Variants in STK32B observed in about 807,000 individuals in gnomAD.
STK32B encodes serine/threonine-protein kinase 32B.
A neutral mutation model predicts 52.6 loss-of-function variants in STK32B; 43 were observed. The observed-to-expected ratio is 0.82, with a 90% CI of 0.64 to 1.05. The LOEUF (loss-of-function observed/expected upper bound fraction) is 1.05. Ranked by LOEUF, STK32B falls within the 50% of genes least tolerant of loss-of-function variation. STK32B has a pLI of 0.00. For synonymous variants in STK32B, 238 were observed against 204.3 expected, an observed-to-expected ratio of 1.17 and a Z score of -1.41; for missense variants, 621 against 534.6, an observed-to-expected ratio of 1.16 and a Z score of -1.59.
intron 1 of STK32B, among the ~76,000 whole-genome samples, chr4:5,066,948 T>C (rs1365165789): frequency 6.6e-6 from 1 of 152,254 alleles, no homozygotes; most frequent in Non-Finnish European, 1.5e-5. Flanking sequence ...TTGAACACAG[T>C]TGTAATATTG....
intron 3 of STK32B, among the ~76,000 whole-genome samples, chr4:5,317,422 AATAC>A (rs1560314065): frequency 3.6e-5 from 1 of 28,028 alleles, no homozygotes; most frequent in Non-Finnish European, 6.1e-5. Flanking sequence ...TATTATATAT[AATAC>A]ATATATATTA....
intron 3 of STK32B, among the ~76,000 whole-genome samples, chr4:5,220,186 C>T (rs1446614292): frequency 6.6e-6 from 1 of 152,212 alleles, no homozygotes; most frequent in Non-Finnish European, 1.5e-5. Context: ...AGAGCCATAG[C>T]ATGTTCGAGA....
At chr4:5,287,278 G>A (rs1728610990) in intron 3 of STK32B, among the ~76,000 whole-genome samples, 1 of 151,876 alleles carries the variant, frequency 6.6e-6, no homozygotes, top group South Asian at 2.1e-4. Context: ...TCTTAATATT[G>A]TCAGTCACTC....
intron 2 of STK32B, among the ~76,000 whole-genome samples, chr4:5,143,044 CA>C (rs1251326408): frequency 6.6e-6 from 1 of 152,138 alleles, no homozygotes; most frequent in Non-Finnish European, 1.5e-5. Context: ...GTCAGATTTG[CA>C]AGCCCCTACA....
intron 3 of STK32B, among the ~76,000 whole-genome samples, chr4:5,314,022 T>C (rs1468105538): frequency 2.0e-5 from 3 of 152,174 alleles, no homozygotes; most frequent in Non-Finnish European, 4.4e-5. Context: ...TTTAATGCAA[T>C]TGCTATGAAA....
intron 1 of STK32B, among the ~76,000 whole-genome samples, chr4:5,138,223 G>A (rs1032632824): frequency 1.3e-5 from 2 of 152,200 alleles, no homozygotes; most frequent in Non-Finnish European, 2.9e-5. Flanking sequence ...TTCTAAGCAC[G>A]TTAGGCATTC....
At chr4:5,294,719 CAG>C (rs1729088964) in intron 3 of STK32B, among the ~76,000 whole-genome samples, 2 of 152,146 alleles carry the variant, frequency 1.3e-5, no homozygotes, top group African/African-American at 4.8e-5. Flanking sequence ...CATCTGCAAA[CAG>C]AGACAATTTG....
chr4:5,324,535 A>G (rs73794558), intron 3 of STK32B, among the ~76,000 whole-genome samples: 1 of 152,148 alleles, frequency 6.6e-6, no homozygotes, highest in South Asian at 2.1e-4. Flanking sequence ...CAACCTCAGC[A>G]CTGTTGCCAT....
At chr4:5,124,219 C>T (rs1337680717) in intron 1 of STK32B, among the ~76,000 whole-genome samples, 1 of 152,160 alleles carries the variant, frequency 6.6e-6, no homozygotes, top group Non-Finnish European at 1.5e-5. Context: ...GAGAAAAAGT[C>T]CCGAAATCTC....
intron 3 of STK32B, among the ~76,000 whole-genome samples, chr4:5,172,453 G>C (rs1719465268): frequency 6.6e-6 from 1 of 151,756 alleles, no homozygotes; most frequent in African/African-American, 2.4e-5. Flanking sequence ...GTTTGTCATA[G>C]ATAGCTCTTA....
chr4:5,181,158 A>C (rs534812183), intron 3 of STK32B, among the ~76,000 whole-genome samples: 3 of 152,310 alleles, frequency 2.0e-5, no homozygotes, highest in East Asian at 3.9e-4. Flanking sequence ...GCTATGGACC[A>C]AATTGTGTCC....
intron 2 of STK32B, among the ~76,000 whole-genome samples, chr4:5,159,728 AATAT>A (rs59955672): frequency 9.1e-6 from 1 of 110,172 alleles, no homozygotes; most frequent in Non-Finnish European, 1.6e-5. Context: ...AATGTATATG[AATAT>A]ATATATGAAT....
chr4:5,294,897 T>C (rs1232539381), intron 3 of STK32B, among the ~76,000 whole-genome samples: 1 of 152,186 alleles, frequency 6.6e-6, no homozygotes, highest in Non-Finnish European at 1.5e-5. Flanking sequence ...CAGTATGATA[T>C]TGGCTGTGGG....
chr4:5,385,978 C>A (rs1736227434), intron 4 of STK32B, among the ~76,000 whole-genome samples: 1 of 139,560 alleles, frequency 7.2e-6, no homozygotes, highest in South Asian at 2.4e-4. Context: ...ACTCACAGCT[C>A]CACCCACAGC....
intron 4 of STK32B, among the ~76,000 whole-genome samples, chr4:5,342,401 G>C (rs924486756): frequency 2.0e-5 from 3 of 152,276 alleles, no homozygotes; most frequent in Admixed American, 6.5e-5. Flanking sequence ...TCCTTTGTAG[G>C]GACGTAAATG....
chr4:5,097,787 G>A (rs1009166695), intron 1 of STK32B, among the ~76,000 whole-genome samples: 1 of 152,246 alleles, frequency 6.6e-6, no homozygotes, highest in Non-Finnish European at 1.5e-5. Context: ...GGAGGGCAGT[G>A]TATCAGTTAG....
At chr4:5,118,225 G>A (rs988081573) in intron 1 of STK32B, among the ~76,000 whole-genome samples, 2 of 152,002 alleles carry the variant, frequency 1.3e-5, no homozygotes, top group Admixed American at 6.6e-5. Context: ...TTCCTGATTC[G>A]ATCTGTCTTC....
intron 4 of STK32B, among the ~76,000 whole-genome samples, chr4:5,382,043 C>G (rs1390529205): frequency 1.3e-5 from 2 of 152,204 alleles, no homozygotes; most frequent in Admixed American, 6.5e-5. Flanking sequence ...ACGATTCCCC[C>G]TTGCTTGCGA....
At chr4:5,418,818 T>C (rs1038352425) in intron 6 of STK32B, among the ~76,000 whole-genome samples, 1 of 152,208 alleles carries the variant, frequency 6.6e-6, no homozygotes, top group African/African-American at 2.4e-5. Flanking sequence ...CCTGACCGCA[T>C]AAACAGTGCC....
Sources: gnomAD v4.1 joint callset for allele counts (sites outside exome capture counted in the v4.1 genomes callset) on GRCh38, gnomAD v4.1.1 for gene constraint, MANE v1.5 for transcripts, NCBI Gene and HGNC (gene_info 2026-07-23, HGNC 2026-07-21) for gene names.